The following PRKCE variants were observed in gnomAD, a reference collection of about 807,000 sequenced individuals.
The protein encoded by PRKCE is protein kinase C epsilon type.
PRKCE carries 16 observed loss-of-function variants against 85.4 expected under a neutral mutation model. That is an observed-to-expected ratio of 0.19 (90% CI 0.13 to 0.28). The LOEUF is 0.28. Ranked by LOEUF, PRKCE falls within the 10% of genes least tolerant of loss-of-function variation. PRKCE has a pLI of 1.00. For synonymous variants in PRKCE, 388 were observed against 371.5 expected (o/e 1.04, Z -0.51); for missense variants, 573 against 975.2 (o/e 0.59, Z 5.49).
At chr2:46,055,570 T>C (rs1279013552) in intron 10 of PRKCE, among the ~76,000 whole-genome samples, 1 of 152,270 alleles carries the variant, frequency 6.6e-6, no homozygotes, top group Non-Finnish European at 1.5e-5. Context: ...CCCTACCAGA[T>C]AGAAAATTCT....
intron 1 of PRKCE, among the ~76,000 whole-genome samples, chr2:45,768,261 A>C (rs1685062887): frequency 6.6e-6 from 1 of 152,242 alleles, no homozygotes; most frequent in Non-Finnish European, 1.5e-5. Flanking sequence ...ACAGTGCTAA[A>C]TGTATATTAT....
In PRKCE at chr2:46,145,153, C is replaced by T. The variant is rs749464950; in HGVS notation, c.1653C>T (p.Phe551=). The part of the protein sequence containing the change: ...DAEGHCKLAD[F]GMCKEGILNG... ...AAGGTCACTGCAAGCTGGCTGACTT[C>T]GGGATGTGCAAGGAAGGGATTCTGA... The change falls in exon 12 of 15, where the codon TTC becomes TTT. Residue 551 remains phenylalanine (F), a synonymous_variant. Transcript: ENST00000306156. The surrounding 1 kb of genome is among the most constrained non-coding windows in gnomAD (Gnocchi z 4.6). 16 of 1,599,600 alleles carry T rather than the reference C, an allele frequency of 1.0e-5. No homozygotes were observed. Among genetic ancestry groups the T allele is most frequent in the East Asian group, 2.2e-5 (1 of 44,898 alleles).
In PRKCE at chr2:46,115,233, G is replaced by A. The variant is rs146498153; in HGVS notation, c.1592+28871G>A. 1.7e-3 allele frequency among the ~76,000 whole-genome samples: 256 copies of A among 152,306 alleles called. 2 individuals carry two copies. The highest frequency in any genetic ancestry group is 5.6e-3 in the African/African-American group (233 of 41,552). Reference sequence around the variant, plus strand: ...GGTGCTAAGCTCAGCCTGTCACCTTGGCCTCTTGCCATCTGGTCTTCTGCA... The same window carrying A: ...GGTGCTAAGCTCAGCCTGTCACCTTAGCCTCTTGCCATCTGGTCTTCTGCA... On this transcript the variant is annotated intron_variant, in intron 11 of 14. Transcript: ENST00000306156.
chr2:45,828,267 A>C (rs1403360810), intron 1 of PRKCE, among the ~76,000 whole-genome samples: 2 of 152,236 alleles, frequency 1.3e-5, no homozygotes, highest in African/African-American at 4.8e-5. Context: ...ATCTGTTGAA[A>C]ACTCTATTGA....
intron 2 of PRKCE, among the ~76,000 whole-genome samples, chr2:45,870,420 G>C (rs75375001): frequency 1.3e-4 from 20 of 152,174 alleles, no homozygotes; most frequent in Admixed American, 1.3e-3. Flanking sequence ...AGGTATAACT[G>C]GGGGGAGAAC....
intron 10 of PRKCE, among the ~76,000 whole-genome samples, chr2:46,053,720 T>C (rs1666282613): frequency 6.6e-6 from 1 of 152,216 alleles, no homozygotes; most frequent in Non-Finnish European, 1.5e-5. Flanking sequence ...CCATTGTATA[T>C]ACATACGACA....
intron 2 of PRKCE, among the ~76,000 whole-genome samples, chr2:45,875,346 C>T (rs1694395420): frequency 6.6e-6 from 1 of 152,262 alleles, no homozygotes; most frequent in Admixed American, 6.5e-5. Context: ...TCAGGCATCA[C>T]AATTTAAAGC....
chr2:45,779,685 A>G (rs1294855631), intron 1 of PRKCE, among the ~76,000 whole-genome samples: 2 of 151,950 alleles, frequency 1.3e-5, no homozygotes, highest in Non-Finnish European at 2.9e-5. Flanking sequence ...CGTTTGGGGT[A>G]CATGCTTTCA....
intron 2 of PRKCE, among the ~76,000 whole-genome samples, chr2:45,967,449 G>A (rs1324602567): frequency 6.6e-6 from 1 of 152,162 alleles, no homozygotes; most frequent in Non-Finnish European, 1.5e-5. Context: ...CCAGCAGAGG[G>A]AGAGAAGGGC....
chr2:45,734,275 G>T (rs1681850351), intron 1 of PRKCE, among the ~76,000 whole-genome samples: 1 of 151,846 alleles, frequency 6.6e-6, no homozygotes, highest in Non-Finnish European at 1.5e-5. Context: ...TGAGGCAGGA[G>T]AATCGCTTGA....
intron 10 of PRKCE, 142 bp downstream of exon 10, chr2:46,010,659 A>T: frequency 6.3e-7 from 1 of 1,599,040 alleles, no homozygotes; most frequent in Non-Finnish European, 8.5e-7. Context: ...ATCAGGATGT[A>T]TTTGAACAGC....
At chr2:45,871,288 A>G (rs1382394544) in intron 2 of PRKCE, among the ~76,000 whole-genome samples, 1 of 152,224 alleles carries the variant, frequency 6.6e-6, no homozygotes, top group East Asian at 1.9e-4. Context: ...TGGTGAAAAC[A>G]AACGGAAGGT....
chr2:45,679,752 T>G (rs187736354), intron 1 of PRKCE, among the ~76,000 whole-genome samples: 1 of 152,162 alleles, frequency 6.6e-6, no homozygotes, highest in East Asian at 1.9e-4. Flanking sequence ...TGTGGGGCCC[T>G]GCTGTAGTGG....
intron 1 of PRKCE, among the ~76,000 whole-genome samples, chr2:45,836,168 C>A (rs1690860003): frequency 6.6e-6 from 1 of 152,220 alleles, no homozygotes; most frequent in South Asian, 2.1e-4. Context: ...GAATCCCTCC[C>A]ATGTGCGGGA....
intron 14 of PRKCE, chr2:46,164,691 G>A (rs1678149832): frequency 3.3e-5 from 5 of 152,356 alleles, no homozygotes; most frequent in Admixed American, 1.3e-4. Flanking sequence ...ACAAGAGCCA[G>A]GATGCAGTGG....
At chr2:45,873,363 A>T (rs1336837400) in intron 2 of PRKCE, among the ~76,000 whole-genome samples, 1 of 151,946 alleles carries the variant, frequency 6.6e-6, no homozygotes, top group Non-Finnish European at 1.5e-5. Flanking sequence ...AGAATGGAAA[A>T]GTCTGGGTGT....
intron 2 of PRKCE, among the ~76,000 whole-genome samples, chr2:45,974,562 G>T (rs866432192): frequency 2.6e-5 from 4 of 152,322 alleles, no homozygotes; most frequent in Non-Finnish European, 5.9e-5. Flanking sequence ...CTCAGAGGCT[G>T]CTGCGTCCTT....
chr2:45,962,261 G>A (rs949340808), intron 2 of PRKCE, among the ~76,000 whole-genome samples: 2 of 152,302 alleles, frequency 1.3e-5, no homozygotes, highest in East Asian at 3.9e-4. Flanking sequence ...TTTCCCCCCA[G>A]GGCCCTAAAG....
chr2:45,827,211 C>T (rs1360623494), intron 1 of PRKCE, among the ~76,000 whole-genome samples: 1 of 152,264 alleles, frequency 6.6e-6, no homozygotes, highest in Non-Finnish European at 1.5e-5. Context: ...GCATCTGCTC[C>T]TCTCTCTGCA....
Sources: gnomAD v4.1 joint callset for allele counts (sites outside exome capture counted in the v4.1 genomes callset) on GRCh38, gnomAD v4.1.1 for gene constraint, Gnocchi (gnomAD v3.1) non-coding constraint, MANE v1.5 for transcripts, NCBI Gene and HGNC (gene_info 2026-07-23, HGNC 2026-07-21) for gene names.